AGBL4: variants seen among roughly 807,000 people sequenced by gnomAD.
The protein encoded by AGBL4 is AGBL carboxypeptidase 4, also known as cytosolic carboxypeptidase 6.
AGBL4 carries 58 observed loss-of-function variants against 66.4 expected under a neutral mutation model. That is an observed-to-expected ratio of 0.87 (90% CI 0.71 to 1.09). The LOEUF is 1.09. Ranked by LOEUF, AGBL4 falls within the 50% of genes least tolerant of loss-of-function variation. AGBL4 has a pLI of 0.00. For missense variants in AGBL4, 579 were observed against 631.0 expected (o/e 0.92, Z 0.88); for synonymous variants, 234 against 222.9 (o/e 1.05, Z -0.44).
At chr1:49,825,659 C>G (rs1217628271) in intron 2 of AGBL4, among the ~76,000 whole-genome samples, 1 of 152,120 alleles carries the variant, frequency 6.6e-6, no homozygotes, top group East Asian at 1.9e-4. Flanking sequence ...TAGACCTCAT[C>G]CAATCAGTTG....
intron 5 of AGBL4, among the ~76,000 whole-genome samples, chr1:49,029,435 A>G (rs1165815641): frequency 6.6e-6 from 1 of 152,190 alleles, no homozygotes; most frequent in African/African-American, 2.4e-5. Flanking sequence ...CTTATTTACA[A>G]TAGCCTCAAA....
chr1:49,019,405 C>T (rs1663072362), intron 5 of AGBL4, among the ~76,000 whole-genome samples: 3 of 152,250 alleles, frequency 2.0e-5, no homozygotes, highest in Admixed American at 2.0e-4. Context: ...CCATAGCCAG[C>T]ATAAATGAGA....
chr1:48,865,511 G>A (rs957672000), intron 6 of AGBL4, among the ~76,000 whole-genome samples: 1 of 152,100 alleles, frequency 6.6e-6, no homozygotes, highest in Admixed American at 6.6e-5. Context: ...TCACATCTAA[G>A]AGGAGGGATA....
At chr1:48,604,474 T>C (rs1645125748) in intron 9 of AGBL4, among the ~76,000 whole-genome samples, 1 of 152,146 alleles carries the variant, frequency 6.6e-6, no homozygotes, top group South Asian at 2.1e-4. Flanking sequence ...GTTTCCCCCA[T>C]GTAATCATGT....
At position 48,727,861 on chromosome 1, in the gene AGBL4, G is replaced by A. The variant is rs201845816; in HGVS notation, c.635-64620C>T. On this transcript the variant is annotated intron_variant, in intron 6 of 13. Transcript: ENST00000371839. ...ATCACATGCCACACAAGGAAAACAC[G>A]AAAGCTTTATGAAAAATCCAAAGTT... 4.9e-3 allele frequency: 7,744 copies of A among 1,590,076 alleles called. 37 individuals carry two copies. Among genetic ancestry groups the A allele is most frequent in the Non-Finnish European group, 6.2e-3 (7,148 of 1,161,878 alleles).
At chr1:49,441,521 A>C (rs1646029474) in intron 3 of AGBL4, among the ~76,000 whole-genome samples, 1 of 152,148 alleles carries the variant, frequency 6.6e-6, no homozygotes, top group Non-Finnish European at 1.5e-5. Context: ...TGTGATGGTG[A>C]GGTGGATTAG....
chr1:49,499,536 C>T (rs74556675), intron 3 of AGBL4, among the ~76,000 whole-genome samples: 3,245 of 151,708 alleles, frequency 0.021, 106 homozygotes, highest in African/African-American at 0.073. Context: ...CCCCAAGTCC[C>T]CAGAGTCCAT....
chr1:48,599,774 A>C (rs943864753), intron 9 of AGBL4, among the ~76,000 whole-genome samples: 1 of 152,230 alleles, frequency 6.6e-6, no homozygotes, highest in African/African-American at 2.4e-5. Flanking sequence ...GGCTCTTCAC[A>C]GTTTGAAATG....
intron 11 of AGBL4, among the ~76,000 whole-genome samples, chr1:48,540,159 T>C (rs1644041916): frequency 1.3e-5 from 2 of 152,108 alleles, no homozygotes; most frequent in African/African-American, 2.4e-5. Flanking sequence ...TTGTTGCATA[T>C]AGACAAGGGC....
intron 5 of AGBL4, among the ~76,000 whole-genome samples, chr1:48,909,538 C>A (rs1336810227): frequency 6.6e-6 from 1 of 152,178 alleles, no homozygotes; most frequent in Non-Finnish European, 1.5e-5. Flanking sequence ...TTCAGACACA[C>A]CATTGTTGAA....
At chr1:50,005,391 T>C (rs924956569) in intron 1 of AGBL4, among the ~76,000 whole-genome samples, 3 of 152,158 alleles carry the variant, frequency 2.0e-5, no homozygotes, top group Admixed American at 6.5e-5. Flanking sequence ...ACAACCAAGA[T>C]GGTACCTATT....
chr1:49,407,797 GA>G (rs1645235367), intron 3 of AGBL4, among the ~76,000 whole-genome samples: 1 of 152,204 alleles, frequency 6.6e-6, no homozygotes, highest in Non-Finnish European at 1.5e-5. Flanking sequence ...TAACTGCCTT[GA>G]AAGTGATTTA....
Position 49,057,222 on chromosome 1 carries a change from A to T in AGBL4, c.378-11422T>A, listed in dbSNP as rs1426107707. 3.3e-4 allele frequency among the ~76,000 whole-genome samples: 50 copies of T among 152,118 alleles called. 1 individual carries two copies. Among genetic ancestry groups the T allele is most frequent in the Admixed American group, 3.3e-3 (50 of 15,268 alleles). On this transcript the variant is annotated intron_variant, in intron 4 of 13. Transcript: ENST00000371839. The stretch of plus-strand genomic sequence containing the variant: ...TTGAGATAAGCCTGGGCAACATGGC[A>T]AAATCCTGTCTCTACCAAAAGAGAA...
rs149320600 is a variant in AGBL4 at position 48,626,130 on chromosome 1, G to A, written c.951+8363C>T. 1.5e-4 allele frequency among the ~76,000 whole-genome samples: 23 copies of A among 152,282 alleles called. No individual in the cohort carries two copies. The East Asian group carries it at 4.3e-3, about 28-fold the overall frequency. On this transcript the variant is annotated intron_variant, in intron 9 of 13. Coordinates refer to ENST00000371839, the MANE Select transcript of AGBL4 (RefSeq NM_032785.4). ...GATTTCCTGGGCCACGTAGGTAGGA[G>A]TGGAAAACTGTTTGAGCAGACCTAA...
intron 5 of AGBL4, among the ~76,000 whole-genome samples, chr1:48,976,084 T>C (rs953876537): frequency 1.3e-5 from 2 of 152,156 alleles, no homozygotes; most frequent in African/African-American, 4.8e-5. Context: ...ATTGGAATAT[T>C]GTTATCAGGG....
chr1:49,977,118 C>T (rs1658625130), intron 1 of AGBL4, among the ~76,000 whole-genome samples: 1 of 152,124 alleles, frequency 6.6e-6, no homozygotes, highest in African/African-American at 2.4e-5. Context: ...ATATTATTTT[C>T]CTTATTCTTC....
chr1:49,682,413 A>T (rs996969306), intron 3 of AGBL4, among the ~76,000 whole-genome samples: 5 of 152,180 alleles, frequency 3.3e-5, no homozygotes, highest in Non-Finnish European at 5.9e-5. Context: ...CCCAGAAAAA[A>T]TATACATAAA....
At chr1:48,761,066 C>A (rs1644232251) in intron 6 of AGBL4, 2 of 328,330 alleles carry the variant, frequency 6.1e-6, no homozygotes. Flanking sequence ...GAGAAACACA[C>A]CGTTCCAAAC....
chr1:49,866,583 G>A (rs1198526201), intron 1 of AGBL4, among the ~76,000 whole-genome samples: 3 of 152,074 alleles, frequency 2.0e-5, no homozygotes, highest in Admixed American at 6.5e-5. Flanking sequence ...GGTCAACATG[G>A]CAAAATTCCG....
Sources: gnomAD v4.1 joint callset for allele counts (sites outside exome capture counted in the v4.1 genomes callset) on GRCh38, gnomAD v4.1.1 for gene constraint, MANE v1.5 for transcripts, NCBI Gene and HGNC (gene_info 2026-07-23, HGNC 2026-07-21) for gene names.